Variants in LY96 observed in about 807,000 individuals in gnomAD.
LY96 encodes the protein myeloid differentiation protein-2.
A neutral mutation model predicts 18.9 loss-of-function variants in LY96; 18 were observed. That is an observed-to-expected ratio of 0.95 (90% confidence interval 0.66 to 1.41). LY96 has a LOEUF of 1.41. Ranked by LOEUF, LY96 falls within the 40% of genes most tolerant of loss-of-function variation. The pLI is 0.00. For missense variants in LY96, 175 were observed against 182.4 expected (o/e 0.96, Z 0.23); for synonymous variants, 66 against 62.6 (o/e 1.06, Z -0.26).
downstream of LY96, among the ~76,000 whole-genome samples, chr8:74,033,232 C>A (rs781436976): frequency 6.6e-6 from 1 of 151,724 alleles, no homozygotes; most frequent in South Asian, 2.1e-4. Context: ...GAGCTCACCC[C>A]AGAACAGTGA....
At chr8:74,020,524 C>A (rs181931750) in intron 3 of LY96, among the ~76,000 whole-genome samples, 6 of 152,290 alleles carry the variant, frequency 3.9e-5, no homozygotes, top group Admixed American at 2.6e-4. Flanking sequence ...AATGCCATCC[C>A]CATCAAGCTA....
At chr8:74,020,538 A>C (rs1216851819) in intron 3 of LY96, among the ~76,000 whole-genome samples, 2 of 152,190 alleles carry the variant, frequency 1.3e-5, no homozygotes, top group Non-Finnish European at 2.9e-5. Context: ...CAAGCTACCA[A>C]TGACTTTCTT....
At chr8:74,088,200 T>C in the LY96 span, among the ~76,000 whole-genome samples, 10 of 151,886 alleles carry the variant, frequency 6.6e-5, no homozygotes, top group African/African-American at 2.2e-4. Context: ...ACTATTCCCC[T>C]GCTCTCAGGA....
chr8:74,084,151 G>A, the LY96 span, among the ~76,000 whole-genome samples: 1 of 151,842 alleles, frequency 6.6e-6, no homozygotes, highest in Non-Finnish European at 1.5e-5. Context: ...TCTGTTCTCT[G>A]TATTGCTATC....
chr8:73,996,887 G>A (rs1023106519), intron 1 of LY96, among the ~76,000 whole-genome samples: 118 of 151,120 alleles, frequency 7.8e-4, no homozygotes, highest in African/African-American at 2.7e-3. Context: ...AGGGATTACA[G>A]GCCTGCGCCA....
chr8:74,074,995 G>A, the LY96 span, among the ~76,000 whole-genome samples: 1 of 152,176 alleles, frequency 6.6e-6, no homozygotes, highest in Non-Finnish European at 1.5e-5. Flanking sequence ...ATACCTACTA[G>A]TTCCATTTAT....
the LY96 span, among the ~76,000 whole-genome samples, chr8:74,096,539 A>C: frequency 1.9e-3 from 289 of 152,274 alleles, 1 homozygote; most frequent in African/African-American, 6.6e-3. Flanking sequence ...AACCCTAAGT[A>C]CCATTGCAAC....
At chr8:74,064,542 T>C in the LY96 span, among the ~76,000 whole-genome samples, 1 of 152,206 alleles carries the variant, frequency 6.6e-6, no homozygotes, top group Non-Finnish European at 1.5e-5. Flanking sequence ...TAAAAGCGCA[T>C]GGCACCCCCT....
In LY96 at chr8:74,010,009, T is replaced by A. The variant is rs1346395717; in HGVS notation, c.211T>A (p.Leu71Ile). The A allele has an allele frequency of 5.0e-6, 8 of 1,601,300 alleles. No individual in the cohort carries two copies. Among genetic ancestry groups the A allele is most frequent in the Non-Finnish European group, 6.0e-6 (7 of 1,168,674 alleles). The change falls in exon 3 of 5, where the codon TTA (leucine) becomes ATA (isoleucine). Residue 71 changes from leucine to isoleucine, a missense_variant. Coordinates refer to ENST00000284818, the MANE Select transcript of LY96 (RefSeq NM_015364.5). ...LHIFYIPRRD[L>I]KQLYFNLYIT... ...GATTTTTTCTTTTAAAGGGAGAGATTTAAAGCAATTATATTTCAATCTCTA... is the reference window on the plus strand; with the variant it reads ...GATTTTTTCTTTTAAAGGGAGAGATATAAAGCAATTATATTTCAATCTCTA...
chr8:74,075,806 C>T, the LY96 span, among the ~76,000 whole-genome samples: 8,437 of 152,032 alleles, frequency 0.055, 307 homozygotes, highest in African/African-American at 0.11. Flanking sequence ...AAAGTCAGTC[C>T]TAGTTTCTTC....
intron 1 of LY96, among the ~76,000 whole-genome samples, chr8:73,992,972 A>G (rs1816040174): frequency 6.6e-6 from 1 of 151,330 alleles, no homozygotes; most frequent in Admixed American, 6.6e-5. Context: ...CCCATGCCTC[A>G]GCCTCCTGAG....
chr8:74,090,922 C>T, the LY96 span, among the ~76,000 whole-genome samples: 1 of 152,232 alleles, frequency 6.6e-6, no homozygotes, highest in African/African-American at 2.4e-5. Context: ...GCTGTGCCCG[C>T]ATGCTGCAGA....
At chr8:74,037,925 G>A in the LY96 span, among the ~76,000 whole-genome samples, 2 of 152,256 alleles carry the variant, frequency 1.3e-5, no homozygotes, top group South Asian at 4.1e-4. Flanking sequence ...CTTGCTAATA[G>A]TTGCAGGGTT....
At chr8:74,077,891 T>TGAAGCG in the LY96 span, among the ~76,000 whole-genome samples, 1 of 152,018 alleles carries the variant, frequency 6.6e-6, no homozygotes, top group Non-Finnish European at 1.5e-5. Flanking sequence ...GAGGACTGCT[T>TGAAGCG]GAAGCTGGGA....
chr8:74,081,200 TTTCC>T, the LY96 span, among the ~76,000 whole-genome samples: 5 of 146,826 alleles, frequency 3.4e-5, no homozygotes, highest in East Asian at 2.0e-4. Flanking sequence ...TCCTTCCTTC[TTTCC>T]TTCCTTCCTT....
the LY96 span, among the ~76,000 whole-genome samples, chr8:74,058,962 T>C: frequency 1.3e-3 from 195 of 152,240 alleles, no homozygotes; most frequent in Middle Eastern, 6.8e-3. Flanking sequence ...AGGGCAGGAA[T>C]TGATGTTTCA....
the LY96 span, among the ~76,000 whole-genome samples, chr8:74,066,198 G>A: frequency 6.6e-6 from 1 of 152,036 alleles, no homozygotes; most frequent in African/African-American, 2.4e-5. Flanking sequence ...ACCTCTTGCT[G>A]TGTCCTCATA....
chr8:73,992,413 A>T (rs1007188359), intron 1 of LY96, among the ~76,000 whole-genome samples: 2 of 152,134 alleles, frequency 1.3e-5, no homozygotes, highest in Admixed American at 1.3e-4. Context: ...GGAAAATAGG[A>T]TCTATGACCT....
intron 1 of LY96, among the ~76,000 whole-genome samples, chr8:73,993,710 T>C (rs1816060041): frequency 6.6e-6 from 1 of 152,196 alleles, no homozygotes; most frequent in African/African-American, 2.4e-5. Flanking sequence ...CCCAAAGTGT[T>C]GGGATTACAG....
Sources: allele counts gnomAD v4.1 joint callset (sites outside exome capture counted in the v4.1 genomes callset), GRCh38; gene constraint gnomAD v4.1.1; transcripts MANE v1.5; gene names NCBI Gene and HGNC (gene_info 2026-07-23, HGNC 2026-07-21).